ERGIC3: variants seen among roughly 807,000 people sequenced by gnomAD.
ERGIC3 encodes ERGIC and golgi 3.
ERGIC3 carries 33 observed loss-of-function variants against 54.7 expected under a neutral mutation model. The ratio of observed to expected loss-of-function variants is 0.60; its 90% CI spans 0.46 to 0.81. The LOEUF (loss-of-function observed/expected upper bound fraction) is 0.81, where lower values mean the gene tolerates loss of function less well. Ranked by LOEUF, ERGIC3 falls within the 30% of genes least tolerant of loss-of-function variation. The pLI, the probability that ERGIC3 is intolerant of heterozygous loss-of-function variation, is 0.00. For missense variants in ERGIC3, 399 were observed against 488.4 expected, an observed-to-expected ratio of 0.82 and a Z score of 1.73; for synonymous variants, 186 against 189.8, an observed-to-expected ratio of 0.98 and a Z score of 0.16.
At chr20:35,543,689 A>G (rs1472488758) in intron 4 of ERGIC3, 5 of 470,998 alleles carry the variant, frequency 1.1e-5, no homozygotes, top group Non-Finnish European at 2.2e-5. Context: ...TGGAACCAAC[A>G]TAATTTGCTA....
At chr20:35,550,611 A>G (rs2064676716) in intron 7 of ERGIC3, among the ~76,000 whole-genome samples, 1 of 152,054 alleles carries the variant, frequency 6.6e-6, no homozygotes, top group Non-Finnish European at 1.5e-5. Context: ...GTGAGACTCC[A>G]TTTCAAAAAA....
At chr20:35,556,500 T>G in intron 10 of ERGIC3, 1 of 561,444 alleles carries the variant, frequency 1.8e-6, no homozygotes. Context: ...CTTCTATCCG[T>G]TCCTCCGGTG....
At chr20:35,542,980 T>C (rs2064625666) in intron 4 of ERGIC3, 39 bp downstream of exon 4, 1 of 1,612,402 alleles carries the variant, frequency 6.2e-7, no homozygotes, top group African/African-American at 1.3e-5. Context: ...ATCCCAAAGC[T>C]GGATGTACCC....
Position 35,557,461 on chromosome 20 carries a change from C to T in ERGIC3, c.1109C>T (p.Ala370Val), listed in dbSNP as rs2064721567. The T allele has an allele frequency of 1.9e-6, 3 of 1,614,134 alleles. No individual in the cohort carries two copies. The highest frequency in any genetic ancestry group is 1.7e-5 in the Admixed American group (1 of 60,030). The part of the protein sequence containing the change: ...GLIDSLIYHS[A>V]RAIQKKIDLG... ...ATCGATTCGCTCATCTACCACTCAG[C>T]ACGAGCCATCCAGAAGAAAATTGAT... The change falls in exon 13 of 13, where the codon GCA (alanine) becomes GTA (valine). Residue 370 changes from alanine (A) to valine (V), a missense_variant. Coordinates refer to ENST00000348547, the MANE Select transcript of ERGIC3 (RefSeq NM_015966.3).
chr20:35,557,626 G>GTGAT lies in ERGIC3; in HGVS notation c.*123_*126dup, dbSNP rs1392793596. On this transcript the variant is annotated 3_prime_UTR_variant, in exon 13 of 13. Transcript: ENST00000348547. ...AGGTTGATAAATCTATTGATTGATT[G>GTGAT]TGATAGTACTCACTGGTCTCCGTGT... 6.2e-6 allele frequency: 5 copies of GTGAT among 803,018 alleles called. No individual in the cohort carries two copies. Among genetic ancestry groups the GTGAT allele is most frequent in the African/African-American group, 1.7e-5 (1 of 59,244 alleles). The allele number at this position is 803,018 out of a possible 1,614,324, so 49.7% of individuals were successfully genotyped here.
intron 8 of ERGIC3, among the ~76,000 whole-genome samples, chr20:35,555,812 C>CAA (rs60761936): frequency 0.18 from 14,622 of 80,264 alleles, 953 homozygotes; most frequent in South Asian, 0.27. Flanking sequence ...GACCTTGTCT[C>CAA]AAAAAAAAAA....
intron 7 of ERGIC3, chr20:35,549,234 C>G: frequency 2.1e-6 from 1 of 474,000 alleles, no homozygotes; most frequent in Non-Finnish European, 4.4e-6. Context: ...ATGGTAGCCC[C>G]CCGTGTCCGA....
chr20:35,542,902 A>T lies in ERGIC3; in HGVS notation c.328A>T (p.Lys110Ter). Reference sequence around the variant, plus strand: ...CAACCTGTTCAAGCAACGACTAGATAAAGATGGCATCCCCGTGAGCTCAGA... The same window carrying T: ...CAACCTGTTCAAGCAACGACTAGATTAAGATGGCATCCCCGTGAGCTCAGA... The part of the protein sequence containing the change: ...EHNLFKQRLD[K>*]DGIPVSSEAE... The change falls in exon 4 of 13, where the codon AAA becomes TAA. Residue 110 changes from lysine (K) to a stop codon, truncating the protein, a stop_gained. Coordinates refer to ENST00000348547, the MANE Select transcript of ERGIC3 (RefSeq NM_015966.3). LOFTEE classifies it high-confidence loss of function. 6.2e-7 allele frequency: 1 copy of T among 1,614,156 alleles called. No individual in the cohort carries two copies. Among genetic ancestry groups the T allele is most frequent in the Non-Finnish European group, 8.5e-7 (1 of 1,180,030 alleles).
chr20:35,557,360 A>G (rs974115380), intron 12 of ERGIC3, 65 bp from the exon 13 acceptor site: 11 of 1,607,222 alleles, frequency 6.8e-6, no homozygotes, highest in African/African-American at 6.7e-5. Context: ...GTTAAGTGAC[A>G]AGGCTCTCAG....
At chr20:35,544,412 G>T in intron 4 of ERGIC3, 1 of 295,908 alleles carries the variant, frequency 3.4e-6, no homozygotes, top group Non-Finnish European at 6.7e-6. Flanking sequence ...ATTTCAGAGA[G>T]AGGGCAGGAC....
chr20:35,548,492 C>CA lies in ERGIC3; in HGVS notation c.462-16dup. On this transcript the variant is annotated splice_polypyrimidine_tract_variant and intron_variant, in intron 5 of 12. Coordinates refer to ENST00000348547, the MANE Select transcript of ERGIC3 (RefSeq NM_015966.3). ...TATGCCTCTTTAACACTCTCACCGTCACTCCCTGCCCTACAGGTGCTGTAA... is the reference window on the plus strand; with the variant it reads ...TATGCCTCTTTAACACTCTCACCGTCAACTCCCTGCCCTACAGGTGCTGTAA... The CA allele has an allele frequency of 6.2e-7, 1 of 1,613,032 alleles. No homozygotes were observed. Among genetic ancestry groups the CA allele is most frequent in the Non-Finnish European group, 8.5e-7 (1 of 1,179,692 alleles).
rs758427107 is a variant in ERGIC3, at chr20:35,542,106, G to A, written c.9G>A (p.Ala3=). The part of the protein sequence containing the change: ME[A]LGKLKQFDAY... Reference sequence around the variant, plus strand: ...CTTTCCGGCCGGTCCCCATGGAGGCGCTGGGGAAGCTGAAGCAGTTCGATG... The same window carrying A: ...CTTTCCGGCCGGTCCCCATGGAGGCACTGGGGAAGCTGAAGCAGTTCGATG... The change falls in exon 1 of 13, where the codon GCG becomes GCA. Residue 3 remains alanine, a synonymous_variant. Coordinates refer to ENST00000348547, the MANE Select transcript of ERGIC3 (RefSeq NM_015966.3). The A allele has an allele frequency of 6.5e-7, 1 of 1,549,186 alleles. No homozygotes were observed. The highest frequency in any genetic ancestry group is 8.7e-7 in the Non-Finnish European group (1 of 1,148,254).
chr20:35,555,884 C>T (rs2146207409), intron 8 of ERGIC3, 149 bp from the exon 9 acceptor site: 1 of 675,610 alleles, frequency 1.5e-6, no homozygotes. Context: ...AGTTTCTAGG[C>T]AGGGAATGGG....
Position 35,542,344 on chromosome 20 carries a change from T to G in ERGIC3, c.110T>G (p.Leu37Arg). ...GATVTIVSGLLMLLLFLSELQ... is the reference protein window; with the variant it reads ...GATVTIVSGLRMLLLFLSELQ... The stretch of plus-strand genomic sequence containing the variant: ...GCAGTGACCATTGTCAGTGGCCTTC[T>G]CATGCTGCTACTGTTCCTGTCCGAG... The change falls in exon 2 of 13, where the codon CTC becomes CGC. Residue 37 changes from leucine to arginine, a missense_variant. Leu to Arg is a moderately radical substitution (Grantham distance 102, BLOSUM62 -2). Transcript: ENST00000348547. 1 of 1,613,980 alleles carries G rather than the reference T, an allele frequency of 6.2e-7. No individual in the cohort carries two copies. The highest frequency in any genetic ancestry group is 8.5e-7 in the Non-Finnish European group (1 of 1,180,024).
chr20:35,549,233 C>T (rs1047728523), intron 7 of ERGIC3: 10 of 473,906 alleles, frequency 2.1e-5, no homozygotes, highest in Non-Finnish European at 3.9e-5. Context: ...AATGGTAGCC[C>T]CCCGTGTCCG....
In ERGIC3 at chr20:35,557,602, G is replaced by C; in HGVS notation, c.*98G>C. On this transcript the variant is annotated 3_prime_UTR_variant, in exon 13 of 13. Coordinates refer to ENST00000348547, the MANE Select transcript of ERGIC3 (RefSeq NM_015966.3). Reference sequence around the variant, plus strand: ...ACCTCCTCGGTCAGCCCCAGCCCCAGGTTGATAAATCTATTGATTGATTGT... The same window carrying C: ...ACCTCCTCGGTCAGCCCCAGCCCCACGTTGATAAATCTATTGATTGATTGT... 1 of 1,004,848 alleles carries C rather than the reference G, an allele frequency of 1.0e-6. No individual in the cohort carries two copies. The highest frequency in any genetic ancestry group is 1.3e-5 in the South Asian group (1 of 74,648). 62.2% of individuals were successfully genotyped at this position (1,004,848 alleles called of 1,614,324 possible). A position where few individuals can be genotyped will look rare whatever the true frequency, so the allele number is the denominator to read the frequency against.
intron 7 of ERGIC3, among the ~76,000 whole-genome samples, chr20:35,550,655 T>C (rs969242696): frequency 1.3e-5 from 2 of 151,996 alleles, no homozygotes; most frequent in Non-Finnish European, 2.9e-5. Context: ...CAGGGCCATA[T>C]CATGCAGGGC....
At chr20:35,556,621 T>C in intron 10 of ERGIC3, 1 of 492,204 alleles carries the variant, frequency 2.0e-6, no homozygotes, top group South Asian at 2.1e-5. Context: ...TGGAGCAGCA[T>C]CTCAGCAGAG....
intron 7 of ERGIC3, 59 bp downstream of exon 7, chr20:35,548,924 G>A: frequency 6.3e-7 from 1 of 1,590,038 alleles, no homozygotes; most frequent in Non-Finnish European, 8.6e-7. Context: ...TGGTGAGCTT[G>A]AGTGGTCCTC....
Sources: gnomAD v4.1 joint callset for allele counts (sites outside exome capture counted in the v4.1 genomes callset) on GRCh38, gnomAD v4.1.1 for gene constraint, MANE v1.5 for transcripts, NCBI Gene and HGNC (gene_info 2026-07-23, HGNC 2026-07-21) for gene names.